PALLD: variants seen among roughly 807,000 people sequenced by gnomAD.
The protein encoded by PALLD is palladin, cytoskeletal associated protein.
In PALLD, 61 loss-of-function variants were observed where a neutral mutation model predicts 123.5. That is an observed-to-expected ratio of 0.49 (90% CI 0.40 to 0.61). The LOEUF (loss-of-function observed/expected upper bound fraction) is 0.61. Ranked by LOEUF, PALLD falls within the 20% of genes least tolerant of loss-of-function variation. The pLI, the probability that PALLD is intolerant of heterozygous loss-of-function variation, is 0.00. For synonymous variants in PALLD, 465 were observed against 496.4 expected, an observed-to-expected ratio of 0.94 and a Z score of 0.84; for missense variants, 1,273 against 1,377.0, an observed-to-expected ratio of 0.92 and a Z score of 1.20.
At chr4:168,525,940 T>C (rs1480785051) in intron 2 of PALLD, among the ~76,000 whole-genome samples, 1 of 152,252 alleles carries the variant, frequency 6.6e-6, no homozygotes, top group Non-Finnish European at 1.5e-5. Flanking sequence ...ATATAATGTA[T>C]ACTGTAACAC....
At chr4:168,504,160 G>A (rs578245660) in intron 1 of PALLD, among the ~76,000 whole-genome samples, 7 of 152,258 alleles carry the variant, frequency 4.6e-5, no homozygotes, top group South Asian at 4.1e-4. Context: ...CAGTTGTTCC[G>A]TTGATTTCAT....
At chr4:168,560,755 T>C (rs971702484) in intron 2 of PALLD, among the ~76,000 whole-genome samples, 2 of 152,156 alleles carry the variant, frequency 1.3e-5, no homozygotes, top group African/African-American at 4.8e-5. Context: ...ACCAAACCTA[T>C]TAGTTTTGTG....
intron 10 of PALLD, among the ~76,000 whole-genome samples, chr4:168,862,558 G>T (rs532184537): frequency 1.3e-5 from 2 of 152,288 alleles, no homozygotes; most frequent in Admixed American, 6.5e-5. Context: ...CTATGTTGTT[G>T]ATTGCGCTCT....
At chr4:168,535,146 A>G (rs1366761134) in intron 2 of PALLD, among the ~76,000 whole-genome samples, 2 of 152,200 alleles carry the variant, frequency 1.3e-5, no homozygotes, top group Non-Finnish European at 2.9e-5. Context: ...ATCATTTTAT[A>G]TTAGGAACTT....
chr4:168,779,541 G>A (rs1471531964), intron 10 of PALLD, among the ~76,000 whole-genome samples: 2 of 151,192 alleles, frequency 1.3e-5, no homozygotes, highest in African/African-American at 4.9e-5. Context: ...ACACACACAT[G>A]TGCACACCCT....
At chr4:168,773,413 T>G (rs1003602001) in intron 10 of PALLD, among the ~76,000 whole-genome samples, 21 of 152,204 alleles carry the variant, frequency 1.4e-4, no homozygotes, top group African/African-American at 5.1e-4. Flanking sequence ...GCTCCTTTAT[T>G]TAATCATGAA....
chr4:168,670,775 CAA>C lies in PALLD; in HGVS notation c.1087+2419_1087+2420del, dbSNP rs112589264. Among the ~76,000 whole-genome samples, 30 of 100,208 alleles carry C rather than the reference CAA, an allele frequency of 3.0e-4. 1 individual carries two copies. Among genetic ancestry groups the C allele is most frequent in the African/African-American group, 4.8e-4 (12 of 25,130 alleles). The allele number at this position is 100,208 out of a possible 152,430, so 65.7% of individuals were successfully genotyped here. On this transcript the variant is annotated intron_variant, in intron 3 of 21. Transcript: ENST00000505667. Reference sequence around the variant, plus strand: ...AAAAAACAAAAAAAACAAAAAAAAACAAAAAAAAAAAAACAAAAAAAACAAAA... The same window carrying C: ...AAAAAACAAAAAAAACAAAAAAAAACAAAAAAAAAAACAAAAAAAACAAAA...
In PALLD at chr4:168,869,947, A is replaced by C. The variant is rs896298925; in HGVS notation, c.1965-20975A>C. On this transcript the variant is annotated intron_variant, in intron 10 of 21. Transcript: ENST00000505667. This position sits in a 1 kb window ranked among gnomAD's most constrained non-coding sequence, Gnocchi z 4.5. ...GAAGTAAGGCACAGTCCCAGAAGTA[A>C]GAGAACAAGGAGAGTTGTTAGTGAT... 7.9e-5 allele frequency among the ~76,000 whole-genome samples: 12 copies of C among 152,226 alleles called. No homozygotes were observed. The highest frequency in any genetic ancestry group is 1.2e-4 in the Non-Finnish European group (8 of 68,036).
chr4:168,873,417 T>C (rs936791328), intron 10 of PALLD, among the ~76,000 whole-genome samples: 2 of 152,210 alleles, frequency 1.3e-5, no homozygotes, highest in Non-Finnish European at 2.9e-5. Context: ...AGATCACAAA[T>C]GTTTTTCAGC....
At position 168,838,667 on chromosome 4, in the gene PALLD, C is replaced by CTTT. The variant is rs70961558; in HGVS notation, c.1965-52231_1965-52229dup. On this transcript the variant is annotated intron_variant, in intron 10 of 21. Transcript: ENST00000505667. The stretch of plus-strand genomic sequence containing the variant: ...GAGGAGAGAGATTATCTTCTAACTC[C>CTTT]TTTTTTTTTTTTTTTTTTTTTTTTT... 3.7e-4 allele frequency among the ~76,000 whole-genome samples: 33 copies of CTTT among 88,784 alleles called. 4 individuals are homozygous for CTTT. Among genetic ancestry groups the CTTT allele is most frequent in the African/African-American group, 1.2e-3 (23 of 18,774 alleles). 58.2% of individuals were successfully genotyped at this position (88,784 alleles called of 152,430 possible).
chr4:168,621,361 C>T (rs1263323843), intron 2 of PALLD, among the ~76,000 whole-genome samples: 2 of 152,188 alleles, frequency 1.3e-5, no homozygotes, highest in Non-Finnish European at 2.9e-5. Flanking sequence ...AAATCCTTAT[C>T]TAGAGTTTAT....
intron 10 of PALLD, among the ~76,000 whole-genome samples, chr4:168,846,489 A>T (rs921962377): frequency 6.6e-6 from 1 of 152,206 alleles, no homozygotes; most frequent in Non-Finnish European, 1.5e-5. Flanking sequence ...ATGAATTTTA[A>T]ACACCCGTTA....
intron 10 of PALLD, among the ~76,000 whole-genome samples, chr4:168,880,898 GTTTTC>G (rs529718167): frequency 1.9e-4 from 29 of 152,062 alleles, no homozygotes; most frequent in African/African-American, 2.7e-4. Flanking sequence ...CAATATCTTA[GTTTTC>G]TTTTCTTTTC....
chr4:168,639,152 A>G (rs911738341), intron 2 of PALLD, among the ~76,000 whole-genome samples: 1 of 152,224 alleles, frequency 6.6e-6, no homozygotes, highest in African/African-American at 2.4e-5. Context: ...TTAGCATGTT[A>G]AAGACAGCCT....
intron 2 of PALLD, among the ~76,000 whole-genome samples, chr4:168,585,453 C>T (rs1204569324): frequency 6.6e-6 from 1 of 152,164 alleles, no homozygotes; most frequent in Non-Finnish European, 1.5e-5. Flanking sequence ...TGCAACCAGC[C>T]TTATGCCTCT....
At chr4:168,631,649 G>C (rs1235513815) in intron 2 of PALLD, 3 of 985,356 alleles carry the variant, frequency 3.0e-6, no homozygotes, top group East Asian at 1.1e-4. Flanking sequence ...GCCTCTCACC[G>C]AGCCTGAGTC....
chr4:168,585,844 G>A (rs761793429), intron 2 of PALLD, among the ~76,000 whole-genome samples: 1 of 152,152 alleles, frequency 6.6e-6, no homozygotes, highest in Non-Finnish European at 1.5e-5. Flanking sequence ...ACTCTTAAGA[G>A]GCCAGAGCTG....
chr4:168,904,142 A>C (rs1757129409), intron 15 of PALLD: 1 of 515,086 alleles, frequency 1.9e-6, no homozygotes, highest in Non-Finnish European at 3.5e-6. Context: ...TTAAGGGTCT[A>C]ATATGTACAC....
Position 168,693,105 on chromosome 4 carries a change from C to T in PALLD, c.1501+1813C>T, listed in dbSNP as rs537806559. Reference sequence around the variant, plus strand: ...CTCCTTCTGTTTCAGATCTCCCCCGCGCCCTGCATCTTCATCACTTACCCT... The same window carrying T: ...CTCCTTCTGTTTCAGATCTCCCCCGTGCCCTGCATCTTCATCACTTACCCT... On this transcript the variant is annotated intron_variant, in intron 8 of 21. Transcript: ENST00000505667. Among the ~76,000 whole-genome samples the T allele has an allele frequency of 8.0e-5, 12 of 149,200 alleles. No individual in the cohort carries two copies. In the South Asian group the frequency reaches 2.3e-3, roughly 29 times the overall value.
Sources: allele counts gnomAD v4.1 joint callset (sites outside exome capture counted in the v4.1 genomes callset), GRCh38; gene constraint gnomAD v4.1.1; non-coding constraint Gnocchi (gnomAD v3.1); transcripts MANE v1.5; gene names NCBI Gene and HGNC (gene_info 2026-07-23, HGNC 2026-07-21).